The following AMD1 variants were observed in gnomAD, a reference collection of about 807,000 sequenced individuals.
The protein encoded by AMD1 is adenosylmethionine decarboxylase 1, also known as S-adenosylmethionine decarboxylase proenzyme.
In AMD1, 11 loss-of-function variants were observed where a neutral mutation model predicts 40.2. That is an observed-to-expected ratio of 0.27 (90% CI 0.17 to 0.45). The LOEUF is 0.45. Among genes scored for constraint, AMD1 ranks in the 20% least tolerant of loss-of-function variants. The probability of loss-of-function intolerance (pLI) is 1.00; values close to 1 mark genes in which losing one functional copy is unlikely to be tolerated. For synonymous variants in AMD1, 121 were observed against 130.8 expected (o/e 0.93, Z 0.51); for missense variants, 257 against 410.2 (o/e 0.63, Z 3.23).
the AMD1 span, among the ~76,000 whole-genome samples, chr6:110,843,249 G>A: frequency 6.6e-6 from 1 of 151,916 alleles, no homozygotes; most frequent in Non-Finnish European, 1.5e-5. Flanking sequence ...GATCCCCTGA[G>A]GTCAGAAGTT....
the AMD1 span, among the ~76,000 whole-genome samples, chr6:110,816,560 C>T: frequency 6.6e-6 from 1 of 152,178 alleles, no homozygotes; most frequent in African/African-American, 2.4e-5. Flanking sequence ...ATAACTCTTC[C>T]TTTGTAAAGA....
chr6:110,835,265 G>C, the AMD1 span, among the ~76,000 whole-genome samples: 6 of 151,526 alleles, frequency 4.0e-5, no homozygotes, highest in East Asian at 1.0e-3. Context: ...TGATCCGCCC[G>C]CCTCAGCCTC....
At chr6:110,826,555 C>A in the AMD1 span, among the ~76,000 whole-genome samples, 1 of 152,226 alleles carries the variant, frequency 6.6e-6, no homozygotes, top group South Asian at 2.1e-4. Context: ...TCCTTCTGTG[C>A]AGATTCCAGG....
At chr6:110,858,481 C>T in the AMD1 span, 1 of 1,332,812 alleles carries the variant, frequency 7.5e-7, no homozygotes, top group Non-Finnish European at 1.1e-6. Flanking sequence ...CCATGCAGAA[C>T]TGGCACCAAC....
chr6:110,888,649 C>T (rs1270856611), intron 2 of AMD1: 2 of 382,658 alleles, frequency 5.2e-6, no homozygotes, highest in Non-Finnish European at 9.4e-6. Flanking sequence ...TATGAATATA[C>T]GAATGTTTAT....
At chr6:110,867,232 C>T in the AMD1 span, among the ~76,000 whole-genome samples, 1 of 151,776 alleles carries the variant, frequency 6.6e-6, no homozygotes, top group African/African-American at 2.4e-5. Flanking sequence ...ACTGTAACCT[C>T]AAATTCCTGG....
chr6:110,875,989 CCTG>C (rs1209290856), intron 1 of AMD1, among the ~76,000 whole-genome samples: 2 of 152,118 alleles, frequency 1.3e-5, no homozygotes, highest in Non-Finnish European at 2.9e-5. Flanking sequence ...GGTTGTGTAA[CCTG>C]CTACGGAGCC....
the AMD1 span, among the ~76,000 whole-genome samples, chr6:110,820,338 G>A: frequency 6.6e-6 from 1 of 151,434 alleles, no homozygotes; most frequent in Non-Finnish European, 1.5e-5. Flanking sequence ...CCAGGTTCAA[G>A]CGATTCTCCT....
the AMD1 span, among the ~76,000 whole-genome samples, chr6:110,869,076 T>G: frequency 6.6e-6 from 1 of 151,956 alleles, no homozygotes; most frequent in Non-Finnish European, 1.5e-5. Context: ...AAAAAAAAAT[T>G]TAATGTAATT....
chr6:110,888,703 C>G (rs1785842674), intron 2 of AMD1, 154 bp from the exon 3 acceptor site: 1 of 639,216 alleles, frequency 1.6e-6, no homozygotes, highest in African/African-American at 1.9e-5. Context: ...GTTTTGTATA[C>G]TAGAAAAGGA....
At chr6:110,863,180 C>T in the AMD1 span, among the ~76,000 whole-genome samples, 8 of 150,720 alleles carry the variant, frequency 5.3e-5, no homozygotes, top group South Asian at 6.3e-4. Context: ...CTCCTGATCT[C>T]GTGATCCGCC....
chr6:110,860,821 CAAA>C, the AMD1 span, among the ~76,000 whole-genome samples: 1 of 134,040 alleles, frequency 7.5e-6, no homozygotes, highest in Non-Finnish European at 1.6e-5. Flanking sequence ...AAAAACAAAA[CAAA>C]ACACCCACCC....
chr6:110,817,341 G>A, the AMD1 span, among the ~76,000 whole-genome samples: 3 of 152,204 alleles, frequency 2.0e-5, no homozygotes, highest in African/African-American at 7.2e-5. Context: ...TGGGTGCAGT[G>A]GCTCACACCT....
intron 1 of AMD1, among the ~76,000 whole-genome samples, chr6:110,885,810 G>A (rs1308210771): frequency 1.3e-5 from 2 of 152,206 alleles, no homozygotes; most frequent in South Asian, 2.1e-4. Context: ...GTATTGGTAC[G>A]CAGATGGGTC....
chr6:110,876,395 A>T (rs1785117514), intron 1 of AMD1, among the ~76,000 whole-genome samples: 1 of 152,124 alleles, frequency 6.6e-6, no homozygotes, highest in African/African-American at 2.4e-5. Context: ...CCTGGGCCGC[A>T]CTCAGAGCCT....
At chr6:110,846,148 A>G in the AMD1 span, among the ~76,000 whole-genome samples, 4 of 152,144 alleles carry the variant, frequency 2.6e-5, no homozygotes, top group African/African-American at 9.7e-5. Flanking sequence ...CTGAGGTAGG[A>G]GAATCACTTG....
chr6:110,883,059 A>G (rs1006486572), intron 1 of AMD1, among the ~76,000 whole-genome samples: 1 of 152,168 alleles, frequency 6.6e-6, no homozygotes, highest in Non-Finnish European at 1.5e-5. Flanking sequence ...TGGGAGGCCA[A>G]GGCTGCAGTG....
At chr6:110,886,427 T>C (rs1785690306) in intron 1 of AMD1, among the ~76,000 whole-genome samples, 1 of 152,050 alleles carries the variant, frequency 6.6e-6, no homozygotes, top group Admixed American at 6.6e-5. Flanking sequence ...AGCCTCAGCC[T>C]CCTGAGTAGC....
chr6:110,862,350 GGATA>G, the AMD1 span, among the ~76,000 whole-genome samples: 297 of 143,094 alleles, frequency 2.1e-3, 2 homozygotes, highest in African/African-American at 7.3e-3. Flanking sequence ...TTTTTTTAAT[GGATA>G]GAGTGCTTTC....
Sources: gnomAD v4.1 joint callset for allele counts (sites outside exome capture counted in the v4.1 genomes callset) on GRCh38, gnomAD v4.1.1 for gene constraint, MANE v1.5 for transcripts, NCBI Gene and HGNC (gene_info 2026-07-23, HGNC 2026-07-21) for gene names.